Variants in IP6K1 observed in about 807,000 individuals in gnomAD.
The protein encoded by IP6K1 is ATP:1D-myo-inositol-hexakisphosphate phosphotransferase.
IP6K1 carries 13 observed loss-of-function variants against 38.3 expected under a neutral mutation model. The observed-to-expected ratio is 0.34, with a 90% confidence interval of 0.22 to 0.54. IP6K1 has a LOEUF of 0.54. Among genes scored for constraint, IP6K1 ranks in the 20% least tolerant of loss-of-function variants. The pLI is 0.92. For missense variants in IP6K1, 397 were observed against 599.8 expected, an observed-to-expected ratio of 0.66 and a Z score of 3.53; for synonymous variants, 212 against 229.9, an observed-to-expected ratio of 0.92 and a Z score of 0.70.
chr3:49,782,314 G>T (rs1465112213), intron 1 of IP6K1, among the ~76,000 whole-genome samples: 8 of 151,880 alleles, frequency 5.3e-5, no homozygotes, highest in African/African-American at 1.9e-4. Flanking sequence ...GGGATTACAG[G>T]TGCACGCCAC....
chr3:49,737,377 C>A (rs1157763732), intron 3 of IP6K1, among the ~76,000 whole-genome samples: 1 of 152,104 alleles, frequency 6.6e-6, no homozygotes, highest in African/African-American at 2.4e-5. Flanking sequence ...TTAATTCTTG[C>A]ATGAAATTAT....
chr3:49,778,436 T>A (rs2081037797), intron 1 of IP6K1, among the ~76,000 whole-genome samples: 1 of 151,420 alleles, frequency 6.6e-6, no homozygotes, highest in South Asian at 2.1e-4. Flanking sequence ...AGGTCAAGAC[T>A]AGCCTGGCCA....
In IP6K1 at chr3:49,727,651, T is replaced by A; in HGVS notation, c.797A>T (p.Tyr266Phe). 6.2e-7 allele frequency: 1 copy of A among 1,612,742 alleles called. No homozygotes were observed. The highest frequency in any genetic ancestry group is 8.5e-7 in the Non-Finnish European group (1 of 1,178,942). ...GAGGTAATGCCCTGTGTCCAGCTGG[T>A]ACACCTGAAACCCCAGGAGGCAGAC... ...LGVRVCGMQV[Y>F]QLDTGHYLCR... The change falls in exon 6 of 6, where the codon TAC (tyrosine) becomes TTC (phenylalanine). Residue 266 changes from tyrosine to phenylalanine, a missense_variant. Transcript: ENST00000321599. This position sits in a 1 kb window ranked among gnomAD's most constrained non-coding sequence, Gnocchi z 5.9.
At chr3:49,751,413 G>A (rs1204870844) in intron 1 of IP6K1, among the ~76,000 whole-genome samples, 2 of 152,004 alleles carry the variant, frequency 1.3e-5, no homozygotes, top group East Asian at 3.9e-4. Flanking sequence ...ACCCACCTCA[G>A]CCTCCCACAG....
At chr3:49,755,833 G>A (rs2080818187) in intron 1 of IP6K1, among the ~76,000 whole-genome samples, 1 of 152,082 alleles carries the variant, frequency 6.6e-6, no homozygotes, top group Non-Finnish European at 1.5e-5. Flanking sequence ...TACAACCAAG[G>A]GAATCCAATG....
chr3:49,755,183 T>C (rs1051030373), intron 1 of IP6K1, among the ~76,000 whole-genome samples: 7 of 150,832 alleles, frequency 4.6e-5, no homozygotes, highest in Non-Finnish European at 1.0e-4. Context: ...GATATCCACT[T>C]GTCTCGGCCT....
chr3:49,731,819 C>T (rs1389335742), intron 4 of IP6K1, among the ~76,000 whole-genome samples: 1 of 139,740 alleles, frequency 7.2e-6, no homozygotes, highest in Non-Finnish European at 1.5e-5. Context: ...ACCCGGGAGG[C>T]GGAGGTTGCA....
At chr3:49,738,474 T>C (rs1171947195) in intron 2 of IP6K1, 52 bp from the exon 3 acceptor site, 1 of 1,419,630 alleles carries the variant, frequency 7.0e-7, no homozygotes, top group South Asian at 1.2e-5. Flanking sequence ...GCCGAGTCTA[T>C]GCAGCACAGA....
At chr3:49,784,434 C>T (rs1333476017) in intron 1 of IP6K1, among the ~76,000 whole-genome samples, 1 of 152,044 alleles carries the variant, frequency 6.6e-6, no homozygotes, top group Non-Finnish European at 1.5e-5. Flanking sequence ...ATCAGGAGGT[C>T]AGGAGTTCGA....
intron 1 of IP6K1, among the ~76,000 whole-genome samples, chr3:49,771,499 T>A (rs1450965768): frequency 5.9e-5 from 9 of 152,080 alleles, no homozygotes. Flanking sequence ...CCACAATGAG[T>A]TACCACTATA....
intron 3 of IP6K1, among the ~76,000 whole-genome samples, chr3:49,736,933 G>A (rs941439291): frequency 2.6e-5 from 4 of 151,684 alleles, no homozygotes; most frequent in African/African-American, 7.3e-5. Context: ...CACCATGCCC[G>A]GCTAATTTTT....
Position 49,768,568 on chromosome 3 carries a change from G to A in IP6K1, c.-129+17786C>T, listed in dbSNP as rs181059074. Among the ~76,000 whole-genome samples the A allele has an allele frequency of 3.2e-3, 492 of 152,192 alleles. 1 individual carries two copies. Among genetic ancestry groups the A allele is most frequent in the Non-Finnish European group, 4.9e-3 (334 of 68,008 alleles). On this transcript the variant is annotated intron_variant, in intron 1 of 5. Coordinates refer to ENST00000321599, the MANE Select transcript of IP6K1 (RefSeq NM_153273.4). ...GTGGATCACTTGAGGTCAGGAGTTC[G>A]AGATCAACCTGGCCAACATGGTGAA...
At chr3:49,776,792 T>C (rs2081020210) in intron 1 of IP6K1, among the ~76,000 whole-genome samples, 1 of 152,220 alleles carries the variant, frequency 6.6e-6, no homozygotes, top group Non-Finnish European at 1.5e-5. Flanking sequence ...GGATCGACTG[T>C]ATATTAATAT....
intron 1 of IP6K1, among the ~76,000 whole-genome samples, chr3:49,758,314 C>CAAAAAAAAA (rs11359274): frequency 5.3e-4 from 29 of 54,398 alleles, no homozygotes; most frequent in African/African-American, 2.1e-3. Context: ...GACTCCATCT[C>CAAAAAAAAA]AAAAAAAAAA....
chr3:49,758,813 T>C (rs1022524687), intron 1 of IP6K1, among the ~76,000 whole-genome samples: 1 of 151,906 alleles, frequency 6.6e-6, no homozygotes, highest in African/African-American at 2.4e-5. Context: ...AATACAAATA[T>C]AGCAGGTGTG....
intron 1 of IP6K1, among the ~76,000 whole-genome samples, chr3:49,766,110 A>G (rs1471713465): frequency 1.3e-5 from 2 of 152,110 alleles, no homozygotes; most frequent in South Asian, 2.1e-4. Context: ...CGGGAGGCGG[A>G]GCTTGCCGTG....
intron 1 of IP6K1, among the ~76,000 whole-genome samples, chr3:49,783,119 CAAA>C (rs1177853458): frequency 9.9e-6 from 1 of 101,000 alleles, no homozygotes. Context: ...GACTCTGTCT[CAAA>C]AAAAAAAAAA....
chr3:49,777,269 G>C (rs1425083812), intron 1 of IP6K1, among the ~76,000 whole-genome samples: 2 of 151,920 alleles, frequency 1.3e-5, no homozygotes, highest in Non-Finnish European at 2.9e-5. Flanking sequence ...AAGTGAAATA[G>C]ACATCTGTTG....
intron 2 of IP6K1, among the ~76,000 whole-genome samples, chr3:49,740,888 C>G: frequency 6.8e-6 from 1 of 146,186 alleles, no homozygotes; most frequent in Non-Finnish European, 1.5e-5. Context: ...GAATCTTGCT[C>G]TGTCGCCCAG....
Sources: gnomAD v4.1 joint callset for allele counts (sites outside exome capture counted in the v4.1 genomes callset) on GRCh38, gnomAD v4.1.1 for gene constraint, Gnocchi (gnomAD v3.1) non-coding constraint, MANE v1.5 for transcripts, NCBI Gene and HGNC (gene_info 2026-07-23, HGNC 2026-07-21) for gene names.